OSBPL3: variants seen among roughly 807,000 people sequenced by gnomAD.
The protein encoded by OSBPL3 is oxysterol binding protein like 3.
In OSBPL3, 65 loss-of-function variants were observed where a neutral mutation model predicts 120.1. That is an observed-to-expected ratio of 0.54 (90% CI 0.44 to 0.67). OSBPL3 has a LOEUF of 0.67. Ranked by LOEUF, OSBPL3 falls within the 30% of genes least tolerant of loss-of-function variation. The pLI is 0.00. For missense variants in OSBPL3, 1,004 were observed against 1,082.1 expected, an observed-to-expected ratio of 0.93 and a Z score of 1.01; for synonymous variants, 416 against 402.6, an observed-to-expected ratio of 1.03 and a Z score of -0.40.
chr7:24,821,395 C>G lies in OSBPL3; in HGVS notation c.1885-1157G>C, dbSNP rs1348615078. Among the ~76,000 whole-genome samples the G allele has an allele frequency of 6.6e-6, 1 of 152,160 alleles. No homozygotes were observed. Among genetic ancestry groups the G allele is most frequent in the African/African-American group, 2.4e-5 (1 of 41,434 alleles). ...GTTTTCAGACCCGTCTTATCAAGAA[C>G]CCAGAATACTGAGCCCTTGCTTGAG... On this transcript the variant is annotated intron_variant, in intron 16 of 22. Coordinates refer to ENST00000313367, the MANE Select transcript of OSBPL3 (RefSeq NM_015550.4). This position sits in a 1 kb window ranked among gnomAD's most constrained non-coding sequence, Gnocchi z 5.5.
At chr7:24,927,544 C>T (rs1039736781) in intron 1 of OSBPL3, among the ~76,000 whole-genome samples, 1 of 152,114 alleles carries the variant, frequency 6.6e-6, no homozygotes, top group Non-Finnish European at 1.5e-5. Context: ...CAATGATTCC[C>T]ATGATTACTG....
rs1332989452 is a variant in OSBPL3 at position 24,879,668 on chromosome 7, G to A, written c.97-7599C>T. Among the ~76,000 whole-genome samples the A allele has an allele frequency of 6.6e-6, 1 of 152,184 alleles. No individual in the cohort carries two copies. Among genetic ancestry groups the A allele is most frequent in the Non-Finnish European group, 1.5e-5 (1 of 68,040 alleles). ...ACAACAAGGAGATAAAATCCTGTGG[G>A]CTGCCAGCTCTGTCAGTGGCTCCAC... On this transcript the variant is annotated intron_variant, in intron 2 of 22. Coordinates refer to ENST00000313367, the MANE Select transcript of OSBPL3 (RefSeq NM_015550.4). This position sits in a 1 kb window ranked among gnomAD's most constrained non-coding sequence, Gnocchi z 5.6.
chr7:24,914,469 G>A (rs1809272211), intron 1 of OSBPL3, among the ~76,000 whole-genome samples: 1 of 151,986 alleles, frequency 6.6e-6, no homozygotes, highest in Non-Finnish European at 1.5e-5. Context: ...CAGATGACTG[G>A]CATCTGCTAT....
rs1238230670 is a variant in OSBPL3, at chr7:24,877,008, ATTCT to A, written c.97-4943_97-4940del. On this transcript the variant is annotated intron_variant, in intron 2 of 22. Transcript: ENST00000313367. The surrounding 1 kb of genome is among the most constrained non-coding windows in gnomAD (Gnocchi z 4.8). ...AACCTTTGAGATTGGATTTATTAGTATTCTTTATTTTTTTGCATGTGGAAACTGA... is the reference window on the plus strand; with the variant it reads ...AACCTTTGAGATTGGATTTATTAGTATTATTTTTTTGCATGTGGAAACTGA... Among the ~76,000 whole-genome samples, 3 of 152,176 alleles carry A rather than the reference ATTCT, an allele frequency of 2.0e-5. No homozygotes were observed. Among genetic ancestry groups the A allele is most frequent in the African/African-American group, 7.2e-5 (3 of 41,444 alleles).
At chr7:24,836,839 A>G (rs557978250) in intron 14 of OSBPL3, among the ~76,000 whole-genome samples, 2 of 152,140 alleles carry the variant, frequency 1.3e-5, no homozygotes, top group South Asian at 4.2e-4. Context: ...GCTTTTTTAA[A>G]ATTAATTTTT....
intron 7 of OSBPL3, among the ~76,000 whole-genome samples, chr7:24,864,936 G>A (rs1801091771): frequency 6.6e-6 from 1 of 152,110 alleles, no homozygotes; most frequent in African/African-American, 2.4e-5. Context: ...AAGCCCTCTG[G>A]GTGATTCTAA....
chr7:24,798,733 T>G lies in OSBPL3; in HGVS notation c.*1450A>C, dbSNP rs1368887569. On this transcript the variant is annotated 3_prime_UTR_variant, in exon 23 of 23. Transcript: ENST00000313367. The surrounding 1 kb of genome is among the most constrained non-coding windows in gnomAD (Gnocchi z 4.6). ...TACTCTTCATTCATAACATTCGATA[T>G]GCTCTGAATTTCTTTAAGTATCTCA... 1 of 152,680 alleles carries G rather than the reference T, an allele frequency of 6.5e-6. No individual in the cohort carries two copies. Among genetic ancestry groups the G allele is most frequent in the Non-Finnish European group, 1.5e-5 (1 of 68,038 alleles). The allele number at this position is 152,680 out of a possible 1,614,324, so 9.5% of individuals were successfully genotyped here.
intron 1 of OSBPL3, among the ~76,000 whole-genome samples, chr7:24,941,640 C>A (rs1009252999): frequency 6.6e-5 from 10 of 152,220 alleles, no homozygotes; most frequent in African/African-American, 1.2e-4. Context: ...AGATAGGTGA[C>A]AGTATTCCCA....
Position 24,863,264 on chromosome 7 carries a change from T to C in OSBPL3, c.806A>G (p.Glu269Gly). The C allele has an allele frequency of 6.2e-7, 1 of 1,614,152 alleles. No individual in the cohort carries two copies. The highest frequency in any genetic ancestry group is 8.5e-7 in the Non-Finnish European group (1 of 1,179,994). ...CCGCCACCTCCTGTGCGATCTTTTTTCCTTTTTGGGACTTTCAAAAGATCC... is the reference window on the plus strand; with the variant it reads ...CCGCCACCTCCTGTGCGATCTTTTTCCCTTTTTGGGACTTTCAAAAGATCC... ...QGGSFESPKK[E>G]KRSHRRWRSR... Residue 269 changes from glutamate to glycine, a missense_variant, in exon 9 of 23, where the codon GAA (glutamate) becomes GGA (glycine). By Grantham distance (98) the Glu-to-Gly change is moderately conservative. This residue lies in a region of OSBPL3 where 272 missense variants were observed against 248.8 expected (regional missense o/e 1.09). Coordinates refer to ENST00000313367, the MANE Select transcript of OSBPL3 (RefSeq NM_015550.4). This position sits in a 1 kb window ranked among gnomAD's most constrained non-coding sequence, Gnocchi z 5.8.
At chr7:24,928,970 C>T (rs1423853274) in intron 1 of OSBPL3, among the ~76,000 whole-genome samples, 1 of 152,162 alleles carries the variant, frequency 6.6e-6, no homozygotes, top group Non-Finnish European at 1.5e-5. Flanking sequence ...CTGCTATTAA[C>T]ATTTGTATTA....
rs1809172928 is a variant in OSBPL3, at chr7:24,913,810, T to C, written c.-149-21189A>G. 6.6e-6 allele frequency among the ~76,000 whole-genome samples: 1 copy of C among 152,204 alleles called. No individual in the cohort carries two copies. Among genetic ancestry groups the C allele is most frequent in the Non-Finnish European group, 1.5e-5 (1 of 68,010 alleles). ...AGGTAACAGGGTCAGTCAGTGGGGA[T>C]ACAACTAGGACGAGGACAAGGACCA... On this transcript the variant is annotated intron_variant, in intron 1 of 22. Coordinates refer to ENST00000313367, the MANE Select transcript of OSBPL3 (RefSeq NM_015550.4). This position sits in a 1 kb window ranked among gnomAD's most constrained non-coding sequence, Gnocchi z 5.3.
Position 24,831,590 on chromosome 7 carries a change from C to T in OSBPL3, c.1747-685G>A, listed in dbSNP as rs1001644048. ...GGCAGCCCTTACTGTGAGGTCTTGG[C>T]GTCTTTAGCAATTCCCCGTCAGGGC... On this transcript the variant is annotated intron_variant, in intron 15 of 22. Transcript: ENST00000313367. The surrounding 1 kb of genome is among the most constrained non-coding windows in gnomAD (Gnocchi z 4.0). 6.6e-6 allele frequency among the ~76,000 whole-genome samples: 1 copy of T among 152,208 alleles called. No homozygotes were observed. Among genetic ancestry groups the T allele is most frequent in the Admixed American group, 6.5e-5 (1 of 15,284 alleles).
intron 1 of OSBPL3, among the ~76,000 whole-genome samples, chr7:24,924,161 T>G (rs1810748366): frequency 6.6e-6 from 1 of 152,218 alleles, no homozygotes; most frequent in Non-Finnish European, 1.5e-5. Context: ...TTACTTCATG[T>G]GGTGAATAAT....
At chr7:24,825,612 G>A (rs1020671113) in intron 16 of OSBPL3, among the ~76,000 whole-genome samples, 2 of 152,184 alleles carry the variant, frequency 1.3e-5, no homozygotes, top group African/African-American at 2.4e-5. Flanking sequence ...CCCTTTGAGT[G>A]TCTTTAAGAA....
rs192336284 is a variant in OSBPL3, at chr7:24,805,977, T to C, written c.2444+799A>G. On this transcript the variant is annotated intron_variant, in intron 21 of 22. Coordinates refer to ENST00000313367, the MANE Select transcript of OSBPL3 (RefSeq NM_015550.4). The surrounding 1 kb of genome is among the most constrained non-coding windows in gnomAD (Gnocchi z 4.0). ...CTTAAGTTTGTTTGTTTTGTGGGGG[T>C]GTGAGTTCTCACTGAGACACTCAGG... Among the ~76,000 whole-genome samples, 578 of 152,240 alleles carry C rather than the reference T, an allele frequency of 3.8e-3. No individual in the cohort carries two copies. Among genetic ancestry groups the C allele is most frequent in the Non-Finnish European group, 5.6e-3 (378 of 68,008 alleles).
chr7:24,934,662 T>C (rs1202091185), intron 1 of OSBPL3, among the ~76,000 whole-genome samples: 4 of 152,186 alleles, frequency 2.6e-5, no homozygotes, highest in African/African-American at 7.2e-5. Context: ...TTTAAATAAA[T>C]GCTGTAAAAT....
rs1467978333 is a variant in OSBPL3, at chr7:24,913,073, G to A, written c.-149-20452C>T. 6.6e-6 allele frequency among the ~76,000 whole-genome samples: 1 copy of A among 152,202 alleles called. No homozygotes were observed. On this transcript the variant is annotated intron_variant, in intron 1 of 22. Coordinates refer to ENST00000313367, the MANE Select transcript of OSBPL3 (RefSeq NM_015550.4). The surrounding 1 kb of genome is among the most constrained non-coding windows in gnomAD (Gnocchi z 5.3). ...CATCAACCCGCAGACATGTGACTGAGCAAGGATTCAAATGTCCCAGCCTCC... is the reference window on the plus strand; with the variant it reads ...CATCAACCCGCAGACATGTGACTGAACAAGGATTCAAATGTCCCAGCCTCC...
rs1272525185 is a variant in OSBPL3 at position 24,854,810 on chromosome 7, A to G, written c.1028-2176T>C. The stretch of plus-strand genomic sequence containing the variant: ...TCCACATTTGTAAATGGGGATAATA[A>G]TAACTTTTACTTTAAATGGTTGTCA... On this transcript the variant is annotated intron_variant, in intron 10 of 22. Transcript: ENST00000313367. The surrounding 1 kb of genome is among the most constrained non-coding windows in gnomAD (Gnocchi z 4.1). 6.6e-5 allele frequency among the ~76,000 whole-genome samples: 10 copies of G among 152,212 alleles called. No homozygotes were observed.
chr7:24,868,144 C>T (rs1801593948), intron 5 of OSBPL3, among the ~76,000 whole-genome samples: 1 of 151,912 alleles, frequency 6.6e-6, no homozygotes, highest in Non-Finnish European at 1.5e-5. Context: ...TGGTGAAACC[C>T]TGTCTCTACT....
Sources: gnomAD v4.1 joint callset for allele counts (sites outside exome capture counted in the v4.1 genomes callset) on GRCh38, gnomAD v4.1.1 for gene constraint, gnomAD v4.1.1 regional missense constraint, Gnocchi (gnomAD v3.1) non-coding constraint, MANE v1.5 for transcripts, NCBI Gene and HGNC (gene_info 2026-07-23, HGNC 2026-07-21) for gene names.